The following MLXIP variants were observed in gnomAD, a reference collection of about 807,000 sequenced individuals.
The protein encoded by MLXIP is MLX-interacting protein.
A neutral mutation model predicts 87.2 loss-of-function variants in MLXIP; 30 were observed. The observed-to-expected ratio is 0.34, with a 90% CI of 0.26 to 0.47. The LOEUF is 0.47. Among genes scored for constraint, MLXIP ranks in the 20% least tolerant of loss-of-function variants. The pLI is 1.00. For synonymous variants in MLXIP, 530 were observed against 514.0 expected (o/e 1.03, Z -0.42); for missense variants, 1,002 against 1,240.1 (o/e 0.81, Z 2.88).
intron 1 of MLXIP, among the ~76,000 whole-genome samples, chr12:122,105,832 CCT>C (rs1379845469): frequency 1.3e-5 from 2 of 151,104 alleles, no homozygotes; most frequent in East Asian, 1.9e-4. Context: ...TTCTTTTCCT[CCT>C]CTCTCTCTTG....
chr12:122,136,060 C>T (rs536380487), intron 11 of MLXIP: 3 of 185,666 alleles, frequency 1.6e-5, no homozygotes, highest in South Asian at 1.3e-4. Flanking sequence ...CTCATCTGGG[C>T]ACCAACGTGG....
chr12:122,092,937 T>C (rs2135907964), intron 1 of MLXIP, among the ~76,000 whole-genome samples: 1 of 59,716 alleles, frequency 1.7e-5, no homozygotes, highest in Non-Finnish European at 3.5e-5. Flanking sequence ...GGGTGTGGTG[T>C]GTGTGGTATG....
At position 122,142,263 on chromosome 12, in the gene MLXIP, T is replaced by A. The variant is rs2135998362; in HGVS notation, c.*451T>A. On this transcript the variant is annotated 3_prime_UTR_variant, in exon 17 of 17. Transcript: ENST00000319080. ...GCCTCTGCCTGATGCCCTGCTCCAC[T>A]CTCTGGTCTGCCCGTGGGGCAGTTG... is the stretch of plus-strand genomic sequence containing the variant. 1 of 696,482 alleles carries A rather than the reference T, an allele frequency of 1.4e-6. No homozygotes were observed. The highest frequency in any genetic ancestry group is 2.7e-5 in the East Asian group (1 of 36,908). 43.1% of individuals were successfully genotyped at this position (696,482 alleles called of 1,614,324 possible).
intron 1 of MLXIP, among the ~76,000 whole-genome samples, chr12:122,115,094 G>A (rs1416766538): frequency 3.3e-5 from 5 of 151,830 alleles, no homozygotes. Context: ...AAATGTAACA[G>A]GTTATTTCTA....
rs1035696827 is a variant in MLXIP at position 122,100,205 on chromosome 12, A to G, written c.413+20939A>G. Among the ~76,000 whole-genome samples the G allele has an allele frequency of 2.0e-5, 3 of 152,324 alleles. No individual in the cohort carries two copies. In the East Asian group the frequency reaches 5.8e-4, roughly 29 times the overall value. Reference sequence around the variant, plus strand: ...ACTTGGGAAGCACCTCTGTGGTACCATTTGAGGAGCACAGAAGAATCTGTG... The same window carrying G: ...ACTTGGGAAGCACCTCTGTGGTACCGTTTGAGGAGCACAGAAGAATCTGTG... On this transcript the variant is annotated intron_variant, in intron 1 of 16. Transcript: ENST00000319080.
At chr12:122,125,745 G>C (rs1463964193) in intron 1 of MLXIP, among the ~76,000 whole-genome samples, 1 of 152,228 alleles carries the variant, frequency 6.6e-6, no homozygotes, top group Non-Finnish European at 1.5e-5. Context: ...GCTGCTGTCT[G>C]CGTGTCTCTT....
At chr12:122,115,176 A>G (rs956701736) in intron 1 of MLXIP, among the ~76,000 whole-genome samples, 1 of 152,088 alleles carries the variant, frequency 6.6e-6, no homozygotes, top group Non-Finnish European at 1.5e-5. Flanking sequence ...TTCTTTTATT[A>G]TGGATAGATA....
chr12:122,099,176 G>A (rs1283095592), intron 1 of MLXIP, among the ~76,000 whole-genome samples: 1 of 152,236 alleles, frequency 6.6e-6, no homozygotes, highest in Non-Finnish European at 1.5e-5. Flanking sequence ...GTTTGAGGCT[G>A]CAGTGAACCA....
chr12:122,094,282 CTG>C (rs1234753622), intron 1 of MLXIP, among the ~76,000 whole-genome samples: 16 of 90,542 alleles, frequency 1.8e-4, no homozygotes, highest in East Asian at 3.8e-4. Context: ...TGTGCGATGT[CTG>C]TGTGTGGTGT....
intron 1 of MLXIP, among the ~76,000 whole-genome samples, chr12:122,117,703 T>A (rs2135952694): frequency 6.6e-6 from 1 of 152,300 alleles, no homozygotes; most frequent in South Asian, 2.1e-4. Context: ...TAGTCCCCCC[T>A]TATCTGAGGG....
intron 2 of MLXIP, 138 bp from the exon 3 acceptor site, chr12:122,127,745 A>C: frequency 1.4e-6 from 1 of 702,750 alleles, no homozygotes; most frequent in Non-Finnish European, 2.5e-6. Flanking sequence ...ATTTCCCTGA[A>C]ATCTCCTTTT....
At chr12:122,087,130 C>T (rs141570675) in intron 1 of MLXIP, among the ~76,000 whole-genome samples, 4,588 of 152,190 alleles carry the variant, frequency 0.03, 218 homozygotes, top group African/African-American at 0.1. Flanking sequence ...CCTGGCTGGC[C>T]GGGCCCCAGA....
At chr12:122,140,486 G>T (rs945356069) in intron 15 of MLXIP, among the ~76,000 whole-genome samples, 1 of 151,976 alleles carries the variant, frequency 6.6e-6, no homozygotes, top group African/African-American at 2.4e-5. Context: ...TAGAGATGGG[G>T]TTTCACCATG....
At chr12:122,118,099 A>T (rs1411942404) in intron 1 of MLXIP, among the ~76,000 whole-genome samples, 1 of 152,174 alleles carries the variant, frequency 6.6e-6, no homozygotes, top group Non-Finnish European at 1.5e-5. Flanking sequence ...TGATACCACA[A>T]CCATGGATCT....
chr12:122,119,635 CCCT>C (rs1055291330), intron 1 of MLXIP, among the ~76,000 whole-genome samples: 10 of 152,234 alleles, frequency 6.6e-5, no homozygotes, highest in African/African-American at 2.4e-4. Context: ...TTGTGATCCA[CCCT>C]CCTCGGCCTC....
In MLXIP at chr12:122,137,900, G is replaced by T. The variant is rs1343410823; in HGVS notation, c.2155-294G>T. On this transcript the variant is annotated intron_variant, in intron 12 of 16. Transcript: ENST00000319080. This position sits in a 1 kb window ranked among gnomAD's most constrained non-coding sequence, Gnocchi z 4.1. ...TGGCCACCACCAGAGCTGTGCTGTG[G>T]GGAGGAGGCAGGGCTGGGTGGGGAA... is the stretch of plus-strand genomic sequence containing the variant. Among the ~76,000 whole-genome samples, 1 of 152,252 alleles carries T rather than the reference G, an allele frequency of 6.6e-6. No individual in the cohort carries two copies. The highest frequency in any genetic ancestry group is 1.5e-5 in the Non-Finnish European group (1 of 68,040).
In MLXIP at chr12:122,135,226, G is replaced by A. The variant is rs1251402790; in HGVS notation, c.1735G>A (p.Ala579Thr). The change falls in exon 10 of 17, where the codon GCC becomes ACC. Residue 579 changes from alanine to threonine, a missense_variant and splice_region_variant. Around this residue, in one of 3 missense-constraint regions of MLXIP, gnomAD observed 746 missense variants for 897.0 expected, o/e 0.83. Coordinates refer to ENST00000319080, the MANE Select transcript of MLXIP (RefSeq NM_014938.6). This position sits in a 1 kb window ranked among gnomAD's most constrained non-coding sequence, Gnocchi z 5.3. ...GAACATCCTCCTTATCCTGGCAGCT[G>A]CCTTTTCAGGCCAACCACAAGCGGT... ...VLKNARIAPA[A>T]FSGQPQAVIM... The A allele has an allele frequency of 1.2e-6, 2 of 1,613,082 alleles. No individual in the cohort carries two copies. Among genetic ancestry groups the A allele is most frequent in the Non-Finnish European group, 1.7e-6 (2 of 1,179,714 alleles).
At chr12:122,124,868 T>C (rs1482850978) in intron 1 of MLXIP, among the ~76,000 whole-genome samples, 1 of 152,024 alleles carries the variant, frequency 6.6e-6, no homozygotes, top group Non-Finnish European at 1.5e-5. Flanking sequence ...CTGTCTCTAC[T>C]AAAAATACAA....
At chr12:122,092,299 A>G (rs1428748265) in intron 1 of MLXIP, among the ~76,000 whole-genome samples, 1 of 152,046 alleles carries the variant, frequency 6.6e-6, no homozygotes, top group African/African-American at 2.4e-5. Flanking sequence ...GGGTTTTGCC[A>G]TGTTGCTCAG....
Sources: allele counts gnomAD v4.1 joint callset (sites outside exome capture counted in the v4.1 genomes callset), GRCh38; gene constraint gnomAD v4.1.1; regional missense constraint gnomAD v4.1.1; non-coding constraint Gnocchi (gnomAD v3.1); transcripts MANE v1.5; gene names NCBI Gene and HGNC (gene_info 2026-07-23, HGNC 2026-07-21).